Variants in CACNA1S observed in about 807,000 individuals in gnomAD.
The protein encoded by CACNA1S is voltage-dependent L-type calcium channel subunit alpha-1S.
CACNA1S carries 126 observed loss-of-function variants against 207.4 expected under a neutral mutation model. That is an observed-to-expected ratio of 0.61 (90% CI 0.53 to 0.70). The LOEUF is 0.70. Ranked by LOEUF, CACNA1S falls within the 30% of genes least tolerant of loss-of-function variation. CACNA1S has a pLI of 0.00. For synonymous variants in CACNA1S, 960 were observed against 932.7 expected, an observed-to-expected ratio of 1.03 and a Z score of -0.53; for missense variants, 2,349 against 2,422.8, an observed-to-expected ratio of 0.97 and a Z score of 0.64.
chr1:201,100,212 G>T lies in CACNA1S; in HGVS notation c.259-6191C>A, dbSNP rs529370862. Among the ~76,000 whole-genome samples the T allele has an allele frequency of 2.0e-5, 3 of 152,382 alleles. No individual in the cohort carries two copies. The East Asian group carries it at 5.8e-4, about 29-fold the overall frequency. On this transcript the variant is annotated intron_variant, in intron 2 of 43. Coordinates refer to ENST00000362061, the MANE Select transcript of CACNA1S (RefSeq NM_000069.3). Reference sequence around the variant, plus strand: ...TTGCACACCTCAGTTGTGGACGGAGGTTTGCTCCGGCTGTGCTGTTTTTCC... The same window carrying T: ...TTGCACACCTCAGTTGTGGACGGAGTTTTGCTCCGGCTGTGCTGTTTTTCC...
At chr1:201,071,265 A>T (rs1173092401) in intron 16 of CACNA1S, among the ~76,000 whole-genome samples, 1 of 151,948 alleles carries the variant, frequency 6.6e-6, no homozygotes, top group East Asian at 1.9e-4. Context: ...CATCATGGCC[A>T]CCTGTAGGGG....
At position 201,066,214 on chromosome 1, in the gene CACNA1S, C is replaced by T. The variant is rs374289893; in HGVS notation, c.2745+15G>A. 45 of 1,611,636 alleles carry T rather than the reference C, an allele frequency of 2.8e-5. No individual in the cohort carries two copies. Among genetic ancestry groups the T allele is most frequent in the Admixed American group, 6.7e-5 (4 of 60,008 alleles). Reference sequence around the variant, plus strand: ...CCCATTCCTCTCTGGGGCTCCTGCCCGGGCCCTCTCTCACCTTCAACCCCT... The same window carrying T: ...CCCATTCCTCTCTGGGGCTCCTGCCTGGGCCCTCTCTCACCTTCAACCCCT... On this transcript the variant is annotated intron_variant, in intron 21 of 43. Coordinates refer to ENST00000362061, the MANE Select transcript of CACNA1S (RefSeq NM_000069.3). The surrounding 1 kb of genome is among the most constrained non-coding windows in gnomAD (Gnocchi z 4.3).
intron 10 of CACNA1S, among the ~76,000 whole-genome samples, chr1:201,082,817 A>C (rs1018888061): frequency 6.6e-6 from 1 of 152,160 alleles, no homozygotes; most frequent in Non-Finnish European, 1.5e-5. Flanking sequence ...TAGAGTTCCA[A>C]ATTACTAGCA....
intron 2 of CACNA1S, among the ~76,000 whole-genome samples, chr1:201,109,134 G>C (rs1411038036): frequency 6.6e-6 from 1 of 151,970 alleles, no homozygotes; most frequent in East Asian, 1.9e-4. Flanking sequence ...TGTAATCCCA[G>C]CTACTTGGGA....
Position 201,112,412 on chromosome 1 carries a change from C to T in CACNA1S, c.-73G>A. ...TTCCCTTCCCTGTGTCCCCAATGCCCCCGCCTTGGGGACTAGGCTGGCTGA... is the reference window on the plus strand; with the variant it reads ...TTCCCTTCCCTGTGTCCCCAATGCCTCCGCCTTGGGGACTAGGCTGGCTGA... On this transcript the variant is annotated 5_prime_UTR_variant, in exon 1 of 44. Coordinates refer to ENST00000362061, the MANE Select transcript of CACNA1S (RefSeq NM_000069.3). 6 of 1,608,964 alleles carry T rather than the reference C, an allele frequency of 3.7e-6. No individual in the cohort carries two copies. The Admixed American group carries it at 8.3e-5, about 22-fold the overall frequency.
At chr1:201,077,154 G>C in intron 11 of CACNA1S, 27 bp from the exon 12 acceptor site, 2 of 1,599,852 alleles carry the variant, frequency 1.3e-6, no homozygotes, top group Non-Finnish European at 1.7e-6. Context: ...CACAAGGTGG[G>C]AGGAGACAGA....
At chr1:201,068,744 CG>C (rs1661345631) in intron 19 of CACNA1S, among the ~76,000 whole-genome samples, 1 of 151,960 alleles carries the variant, frequency 6.6e-6, no homozygotes, top group Non-Finnish European at 1.5e-5. Flanking sequence ...TGGTGGCAGA[CG>C]CCTGTAATCC....
At chr1:201,061,492 G>A (rs1661048497) in intron 24 of CACNA1S, 24 bp from the exon 25 acceptor site, 2 of 1,607,020 alleles carry the variant, frequency 1.2e-6, no homozygotes. Flanking sequence ...GAGAAGAGAG[G>A]ACAGACTGGG....
In CACNA1S at chr1:201,053,281, G is replaced by A; in HGVS notation, c.3796-7C>T. ...GAGCCACGTAGGGTAGGGCCTGCAG[G>A]GCGGGCGGGAGCGCCAGTCAGTGTC... is the stretch of plus-strand genomic sequence containing the variant. On this transcript the variant is annotated splice_polypyrimidine_tract_variant and splice_region_variant and intron_variant, in intron 30 of 43. Coordinates refer to ENST00000362061, the MANE Select transcript of CACNA1S (RefSeq NM_000069.3). The surrounding 1 kb of genome is among the most constrained non-coding windows in gnomAD (Gnocchi z 5.1). The A allele has an allele frequency of 6.2e-7, 1 of 1,614,200 alleles. No homozygotes were observed. The highest frequency in any genetic ancestry group is 8.5e-7 in the Non-Finnish European group (1 of 1,180,020).
At chr1:201,041,868 C>T (rs1410483576) in intron 40 of CACNA1S, 1 of 507,710 alleles carries the variant, frequency 2.0e-6, no homozygotes, top group Non-Finnish European at 3.6e-6. Context: ...CAGCTGCAGC[C>T]TCCCAGCCTT....
At chr1:201,103,775 C>T (rs12756021) in intron 2 of CACNA1S, among the ~76,000 whole-genome samples, 19,098 of 152,180 alleles carry the variant, frequency 0.13, 1,660 homozygotes, top group Non-Finnish European at 0.19. Flanking sequence ...GGGCTGCTGG[C>T]CACAAGAGTT....
intron 2 of CACNA1S, among the ~76,000 whole-genome samples, chr1:201,106,117 T>C (rs2365293): frequency 0.37 from 56,248 of 151,322 alleles, 10,762 homozygotes; most frequent in East Asian, 0.63. Context: ...CCATCTGCTC[T>C]GTCCACTTCT....
chr1:201,089,530 G>T, intron 5 of CACNA1S, 67 bp from the exon 6 acceptor site: 1 of 1,471,160 alleles, frequency 6.8e-7, no homozygotes, highest in Non-Finnish European at 9.4e-7. Context: ...GAGGAAAGGT[G>T]TATAAGAGCA....
intron 16 of CACNA1S, among the ~76,000 whole-genome samples, chr1:201,071,535 A>T (rs1179863363): frequency 6.6e-6 from 1 of 152,120 alleles, no homozygotes; most frequent in East Asian, 1.9e-4. Flanking sequence ...GCTGTAAGCC[A>T]TTTCAAACTA....
intron 5 of CACNA1S, among the ~76,000 whole-genome samples, chr1:201,090,776 T>A (rs1662195395): frequency 6.6e-6 from 1 of 152,208 alleles, no homozygotes; most frequent in Non-Finnish European, 1.5e-5. Context: ...GAGTTGTGAT[T>A]TGGCAGCACA....
Position 201,050,359 on chromosome 1 carries a change from C to T in CACNA1S, c.4241+30G>A, listed in dbSNP as rs780209640. The T allele has an allele frequency of 5.6e-6, 9 of 1,613,340 alleles. No individual in the cohort carries two copies. In the Admixed American group the frequency reaches 1.3e-4, roughly 24 times the overall value. ...GGTAGGAAGGGTCTAGGATGGAGGG[C>T]CCAGCACAGAGCCTACAGATTGGAC... On this transcript the variant is annotated intron_variant, in intron 34 of 43. Transcript: ENST00000362061.
At position 201,110,404 on chromosome 1, in the gene CACNA1S, C is replaced by T. The variant is rs111530734; in HGVS notation, c.153-135G>A. 17,331 of 769,152 alleles carry T rather than the reference C, an allele frequency of 0.023. 339 individuals are homozygous for T. The highest frequency in any genetic ancestry group is 0.026 in the Non-Finnish European group (11,221 of 439,024). The allele number at this position is 769,152 out of a possible 1,614,324, so 47.6% of individuals were successfully genotyped here. ...GGACAGGCTCATGGACGCTCGCCCACGCTGCTCCTTCCCTGAGCCCCTGCA... is the reference window on the plus strand; with the variant it reads ...GGACAGGCTCATGGACGCTCGCCCATGCTGCTCCTTCCCTGAGCCCCTGCA... On this transcript the variant is annotated intron_variant, in intron 1 of 43. Coordinates refer to ENST00000362061, the MANE Select transcript of CACNA1S (RefSeq NM_000069.3).
At chr1:201,082,921 T>C (rs1661889081) in intron 10 of CACNA1S, among the ~76,000 whole-genome samples, 1 of 152,230 alleles carries the variant, frequency 6.6e-6, no homozygotes, top group Admixed American at 6.5e-5. Context: ...CCTTGGTAAG[T>C]AACAAAGCCA....
chr1:201,068,150 G>A (rs1280746564), intron 19 of CACNA1S, among the ~76,000 whole-genome samples: 1 of 151,862 alleles, frequency 6.6e-6, no homozygotes, highest in Non-Finnish European at 1.5e-5. Context: ...CTTCTCTGGG[G>A]ACTCTTGGAG....
Sources: allele counts gnomAD v4.1 joint callset (sites outside exome capture counted in the v4.1 genomes callset), GRCh38; gene constraint gnomAD v4.1.1; non-coding constraint Gnocchi (gnomAD v3.1); transcripts MANE v1.5; gene names NCBI Gene and HGNC (gene_info 2026-07-23, HGNC 2026-07-21).